Variants in SGIP1 observed in about 807,000 individuals in gnomAD.
SGIP1 encodes the protein SH3GL interacting endocytic adaptor 1, also known as SH3-containing GRB2-like protein 3-interacting protein 1.
SGIP1 carries 38 observed loss-of-function variants against 107.5 expected under a neutral mutation model. That is an observed-to-expected ratio of 0.35 (90% CI 0.27 to 0.46). The LOEUF is 0.46. SGIP1 is among the 20% of genes least tolerant of loss of function. The probability of loss-of-function intolerance (pLI) is 1.00; values close to 1 mark genes in which losing one functional copy is unlikely to be tolerated. For synonymous variants in SGIP1, 365 were observed against 366.1 expected (o/e 1.00, Z 0.03); for missense variants, 929 against 1,019.5 (o/e 0.91, Z 1.21).
Position 66,534,255 on chromosome 1 carries a change from T to C in SGIP1, c.-104T>C, listed in dbSNP as rs1570915600. The C allele has an allele frequency of 1.6e-6, 2 of 1,233,306 alleles. No individual in the cohort carries two copies. The highest frequency in any genetic ancestry group is 2.4e-6 in the Non-Finnish European group (2 of 834,712). The allele number at this position is 1,233,306 out of a possible 1,614,324, so 76.4% of individuals were successfully genotyped here. A position where few individuals can be genotyped will look rare whatever the true frequency, so the allele number is the denominator to read the frequency against. ...CCTTTGGCTTTGACAGCGGACGGAA[T>C]AGACCTCAGCAGCGGCGTGGTGAGG... On this transcript the variant is annotated 5_prime_UTR_variant, in exon 1 of 25. Coordinates refer to ENST00000371037, the MANE Select transcript of SGIP1 (RefSeq NM_032291.4).
intron 1 of SGIP1, among the ~76,000 whole-genome samples, chr1:66,622,508 C>G (rs760843450): frequency 1.1e-4 from 17 of 152,166 alleles, no homozygotes; most frequent in Non-Finnish European, 2.1e-4. Context: ...AACATTATAA[C>G]CGGGCTGCCT....
intron 8 of SGIP1, chr1:66,666,793 G>A (rs1297951259): frequency 1.3e-5 from 2 of 152,188 alleles, no homozygotes; most frequent in African/African-American, 4.8e-5. Flanking sequence ...TTGTGTATAG[G>A]AATGCTCATG....
intron 1 of SGIP1, among the ~76,000 whole-genome samples, chr1:66,597,821 A>G (rs1293246703): frequency 6.6e-6 from 1 of 152,140 alleles, no homozygotes; most frequent in Non-Finnish European, 1.5e-5. Context: ...TTCCTTTCCC[A>G]GTTTCACCTC....
In SGIP1 at chr1:66,631,079, GAAAGAAAGAAAGAAAGAAAGA is replaced by G. The variant is rs1158304921; in HGVS notation, c.75-1987_75-1967del. On this transcript the variant is annotated intron_variant, in intron 2 of 24. Transcript: ENST00000371037. ...AGAAAGAAAGAAAGAAAGAAAGAAA[GAAAGAAAGAAAGAAAGAAAGA>G]AAAAAAGAAAGACTGACTCAGTATA... 4.2e-5 allele frequency among the ~76,000 whole-genome samples: 6 copies of G among 141,590 alleles called. No homozygotes were observed. In the East Asian group the frequency reaches 7.1e-4, roughly 17 times the overall value. 92.9% of individuals were successfully genotyped at this position (141,590 alleles called of 152,430 possible).
chr1:66,553,904 G>A (rs1218936289), intron 1 of SGIP1, among the ~76,000 whole-genome samples: 1 of 151,946 alleles, frequency 6.6e-6, no homozygotes, highest in African/African-American at 2.4e-5. Flanking sequence ...GGCACTCTTG[G>A]GTTGGCATCC....
At chr1:66,637,580 T>A (rs1571039681) in intron 4 of SGIP1, among the ~76,000 whole-genome samples, 2 of 151,816 alleles carry the variant, frequency 1.3e-5, no homozygotes, top group East Asian at 3.9e-4. Flanking sequence ...GAAGAAAAAA[T>A]TTCTACAAGT....
intron 1 of SGIP1, among the ~76,000 whole-genome samples, chr1:66,543,501 A>T (rs990449757): frequency 6.6e-6 from 1 of 152,218 alleles, no homozygotes; most frequent in Admixed American, 6.5e-5. Flanking sequence ...TTTAGTAATG[A>T]TTCCAAAACT....
At chr1:66,676,901 G>T (rs1409180662) in intron 12 of SGIP1, 103 bp from the exon 13 acceptor site, 5 of 862,124 alleles carry the variant, frequency 5.8e-6, no homozygotes, top group South Asian at 3.5e-5. Flanking sequence ...TGAGACAAGA[G>T]GAAAATAATT....
chr1:66,587,334 T>C (rs1050738585), intron 1 of SGIP1, among the ~76,000 whole-genome samples: 1 of 151,908 alleles, frequency 6.6e-6, no homozygotes, highest in Middle Eastern at 3.4e-3. Flanking sequence ...TATTTTGTTA[T>C]AGTCTCACAT....
chr1:66,724,511 T>C (rs1249242012), intron 19 of SGIP1, among the ~76,000 whole-genome samples: 1 of 152,196 alleles, frequency 6.6e-6, no homozygotes, highest in Non-Finnish European at 1.5e-5. Flanking sequence ...GTTCTGGCTC[T>C]GACAGTTGTG....
chr1:66,659,741 C>A (rs1236692774), intron 7 of SGIP1, among the ~76,000 whole-genome samples: 1 of 151,376 alleles, frequency 6.6e-6, no homozygotes, highest in Non-Finnish European at 1.5e-5. Context: ...AAGACCCTAT[C>A]TTTACAAAAA....
At chr1:66,544,361 C>G (rs966533383) in intron 1 of SGIP1, among the ~76,000 whole-genome samples, 6 of 152,152 alleles carry the variant, frequency 3.9e-5, no homozygotes, top group Admixed American at 2.0e-4. Flanking sequence ...TTACCACAAG[C>G]AGTTTCCCAA....
rs369059429 is a variant in SGIP1, at chr1:66,633,037, A to C, written c.75-33A>C. The C allele has an allele frequency of 4.3e-6, 6 of 1,402,308 alleles. No homozygotes were observed. In the South Asian group the frequency reaches 5.9e-5, roughly 14 times the overall value. The allele number at this position is 1,402,308 out of a possible 1,614,324, so 86.9% of individuals were successfully genotyped here. On this transcript the variant is annotated intron_variant, in intron 2 of 24. Coordinates refer to ENST00000371037, the MANE Select transcript of SGIP1 (RefSeq NM_032291.4). ...GTCTATGTGGCAAGAATGATTCCTT[A>C]TCATAATAGCTATCAATTTCTTTTT...
intron 15 of SGIP1, among the ~76,000 whole-genome samples, chr1:66,683,695 CTTTTCTTT>C (rs1449746189): frequency 1.3e-3 from 69 of 53,818 alleles, no homozygotes; most frequent in African/African-American, 3.8e-3. Flanking sequence ...TTGTTTGTTT[CTTTTCTTT>C]TTTTTTTTTT....
At chr1:66,549,667 G>C (rs1186590884) in intron 1 of SGIP1, among the ~76,000 whole-genome samples, 2 of 152,116 alleles carry the variant, frequency 1.3e-5, no homozygotes, top group Non-Finnish European at 2.9e-5. Context: ...CCTTGAGTCA[G>C]TGAACTTCCC....
rs555111579 is a variant in SGIP1 at position 66,743,391 on chromosome 1, T to G, written c.*296T>G. On this transcript the variant is annotated 3_prime_UTR_variant, in exon 25 of 25. Transcript: ENST00000371037. ...ACACTTGAGTTTTAGCATTTTACCATTCCTGAAATGGATGTAATTTAAACT... is the reference window on the plus strand; with the variant it reads ...ACACTTGAGTTTTAGCATTTTACCAGTCCTGAAATGGATGTAATTTAAACT... 55 of 261,464 alleles carry G rather than the reference T, an allele frequency of 2.1e-4. No individual in the cohort carries two copies. Among genetic ancestry groups the G allele is most frequent in the African/African-American group, 1.2e-3 (55 of 45,136 alleles). 16.2% of individuals were successfully genotyped at this position (261,464 alleles called of 1,614,324 possible).
intron 21 of SGIP1, among the ~76,000 whole-genome samples, chr1:66,736,034 G>T (rs568139007): frequency 4.0e-5 from 6 of 150,090 alleles, no homozygotes; most frequent in South Asian, 2.1e-4. Context: ...TCAAATGCTG[G>T]TTCTGAATTG....
chr1:66,675,541 C>CTTTTTTTTTTTT lies in SGIP1; in HGVS notation c.647-1456_647-1445dup, dbSNP rs71242802. ...GTTGTTTTTCTTTTTCTTTTTCTTTCTTTTTTTTTTTTTTTTTTGACAGAA... is the reference window on the plus strand; with the variant it reads ...GTTGTTTTTCTTTTTCTTTTTCTTTCTTTTTTTTTTTTTTTTTTTTTTTTTTTTTTGACAGAA... On this transcript the variant is annotated intron_variant, in intron 12 of 24. Transcript: ENST00000371037. 9.2e-4 allele frequency among the ~76,000 whole-genome samples: 103 copies of CTTTTTTTTTTTT among 112,352 alleles called. 1 individual carries two copies. Among genetic ancestry groups the CTTTTTTTTTTTT allele is most frequent in the Non-Finnish European group, 1.1e-3 (68 of 59,788 alleles). 73.7% of individuals were successfully genotyped at this position (112,352 alleles called of 152,430 possible). A position where few individuals can be genotyped will look rare whatever the true frequency, so the allele number is the denominator to read the frequency against.
chr1:66,640,479 G>C (rs888300434), intron 5 of SGIP1, among the ~76,000 whole-genome samples: 1 of 152,176 alleles, frequency 6.6e-6, no homozygotes, highest in Non-Finnish European at 1.5e-5. Context: ...CATATACATA[G>C]AGGCTAACAG....
Sources: allele counts gnomAD v4.1 joint callset (sites outside exome capture counted in the v4.1 genomes callset), GRCh38; gene constraint gnomAD v4.1.1; transcripts MANE v1.5; gene names NCBI Gene and HGNC (gene_info 2026-07-23, HGNC 2026-07-21).